OMA1: variants seen among roughly 807,000 people sequenced by gnomAD.
OMA1 encodes metalloendopeptidase OMA1, mitochondrial.
In OMA1, 38 loss-of-function variants were observed where a neutral mutation model predicts 30.9. The ratio of observed to expected loss-of-function variants is 1.23; its 90% CI spans 0.95 to 1.61. The LOEUF is 1.61. Ranked by LOEUF, OMA1 falls within the 40% of genes most tolerant of loss-of-function variation. The pLI is 0.00. For synonymous variants in OMA1, 173 were observed against 121.9 expected (o/e 1.42, Z -2.76); for missense variants, 461 against 349.2 (o/e 1.32, Z -2.55).
intron 7 of OMA1, among the ~76,000 whole-genome samples, chr1:58,524,370 C>G: frequency 6.6e-6 from 1 of 152,228 alleles, no homozygotes; most frequent in Admixed American, 6.5e-5. Context: ...CTAAAACTAT[C>G]AAACCATCCT....
At position 58,489,753 on chromosome 1, in the gene OMA1, G is replaced by A. The variant is rs558068204; in HGVS notation, c.1366-8579C>T. Among the ~76,000 whole-genome samples, 35 of 152,308 alleles carry A rather than the reference G, an allele frequency of 2.3e-4. No individual in the cohort carries two copies. In the East Asian group the frequency reaches 6.8e-3, roughly 29 times the overall value. On this transcript the variant is annotated intron_variant, in intron 8 of 8. Transcript: ENST00000371226. ...CTCCTCTGAGACAAAACTTCCAGAG[G>A]AATGATGAGGCAGCAACATTGGCTG...
At chr1:58,508,003 AT>A (rs899766271) in intron 7 of OMA1, among the ~76,000 whole-genome samples, 14 of 152,276 alleles carry the variant, frequency 9.2e-5, no homozygotes, top group African/African-American at 3.4e-4. Context: ...TACTTATCTA[AT>A]TTTTTTAGCC....
intron 2 of OMA1, 131 bp from the exon 3 acceptor site, chr1:58,536,872 G>T: frequency 1.7e-6 from 1 of 585,834 alleles, no homozygotes; most frequent in East Asian, 2.8e-5. Context: ...TGAATACATC[G>T]CTTTTCCAAT....
chr1:58,487,186 G>A (rs2100363032), intron 8 of OMA1, among the ~76,000 whole-genome samples: 1 of 152,358 alleles, frequency 6.6e-6, no homozygotes, highest in East Asian at 1.9e-4. Flanking sequence ...CAGTGGCGAA[G>A]TTGAGAAGCC....
chr1:58,498,945 T>G (rs1243547927), intron 8 of OMA1, among the ~76,000 whole-genome samples: 1 of 152,096 alleles, frequency 6.6e-6, no homozygotes, highest in Non-Finnish European at 1.5e-5. Flanking sequence ...AATTAAAAAT[T>G]AAGGCCACCT....
intron 1 of OMA1, among the ~76,000 whole-genome samples, chr1:58,546,119 T>C (rs184346415): frequency 4.6e-5 from 7 of 152,346 alleles, no homozygotes; most frequent in Non-Finnish European, 7.3e-5. Flanking sequence ...GTGAGTTCTG[T>C]AGACGAGTTT....
rs1255251540 is a variant in OMA1, at chr1:58,522,654, T to C, written c.1215+4607A>G. 3.3e-5 allele frequency among the ~76,000 whole-genome samples: 5 copies of C among 152,236 alleles called. 1 individual carries two copies. In the East Asian group the frequency reaches 7.7e-4, roughly 24 times the overall value. ...GCAGTCAAAAATCCACATGTAACAT[T>C]TGACTCCCCCAAAACCTAACTACTA... On this transcript the variant is annotated intron_variant, in intron 7 of 8. Coordinates refer to ENST00000371226, the MANE Select transcript of OMA1 (RefSeq NM_145243.5).
At chr1:58,499,712 C>T (rs1009964488) in intron 8 of OMA1, among the ~76,000 whole-genome samples, 1 of 151,706 alleles carries the variant, frequency 6.6e-6, no homozygotes, top group East Asian at 1.9e-4. Context: ...TTGATTTAAC[C>T]ATTACACAAT....
chr1:58,532,906 T>G (rs1181887983), intron 5 of OMA1, among the ~76,000 whole-genome samples: 2 of 152,186 alleles, frequency 1.3e-5, no homozygotes, highest in African/African-American at 4.8e-5. Flanking sequence ...GAAAAACAAT[T>G]TAGCCCATCT....
Position 58,506,159 on chromosome 1 carries a change from G to A in OMA1, c.1266C>T (p.Phe422=), listed in dbSNP as rs3087585. Residue 422 remains phenylalanine, a synonymous_variant, in exon 8 of 9, where the codon TTC becomes TTT. Coordinates refer to ENST00000371226, the MANE Select transcript of OMA1 (RefSeq NM_145243.5). Reference sequence around the variant, plus strand: ...TGGGTTGGCCATGCAGGCTATCAACGAACTCCATTTGCTGCCAAAACACTG... The same window carrying A: ...TGGGTTGGCCATGCAGGCTATCAACAAACTCCATTTGCTGCCAAAACACTG... ...ASSVFWQQME[F]VDSLHGQPKM... 0.26 allele frequency: 225,331 copies of A among 870,968 alleles called. 31,680 individuals carry two copies. The highest frequency in any genetic ancestry group is 0.42 in the African/African-American group (25,456 of 61,238). 54.0% of individuals were successfully genotyped at this position (870,968 alleles called of 1,614,324 possible).
chr1:58,512,816 G>C (rs1001443220), intron 7 of OMA1, among the ~76,000 whole-genome samples: 1 of 152,140 alleles, frequency 6.6e-6, no homozygotes, highest in African/African-American at 2.4e-5. Flanking sequence ...ATAAGATCTA[G>C]AGATCTGATA....
rs137878037 is a variant in OMA1, at chr1:58,500,185, T to C, written c.1365+5875A>G. On this transcript the variant is annotated intron_variant, in intron 8 of 8. Transcript: ENST00000371226. ...AAGTAGATACACATCACATGCACCA[T>C]AATATTTTTTTTAAGGGTTTAGACA... Among the ~76,000 whole-genome samples, 763 of 152,226 alleles carry C rather than the reference T, an allele frequency of 5.0e-3. 10 individuals are homozygous for C. The highest frequency in any genetic ancestry group is 0.017 in the African/African-American group (713 of 41,534).
intron 8 of OMA1, among the ~76,000 whole-genome samples, chr1:58,488,867 G>A (rs181540128): frequency 2.2e-4 from 33 of 152,332 alleles, no homozygotes; most frequent in African/African-American, 7.5e-4. Flanking sequence ...TTATCAGTGA[G>A]AACATAACAT....
chr1:58,499,594 T>C (rs1394183630), intron 8 of OMA1, among the ~76,000 whole-genome samples: 2 of 152,116 alleles, frequency 1.3e-5, no homozygotes, highest in Non-Finnish European at 2.9e-5. Flanking sequence ...GCATTGTTAC[T>C]ACAGTTAATA....
At chr1:58,483,313 T>A (rs1302365175) in intron 8 of OMA1, among the ~76,000 whole-genome samples, 1 of 152,082 alleles carries the variant, frequency 6.6e-6, no homozygotes, top group Non-Finnish European at 1.5e-5. Context: ...TGGGGTATGG[T>A]AGGGGCACAG....
intron 7 of OMA1, among the ~76,000 whole-genome samples, chr1:58,514,655 C>T (rs1322318709): frequency 1.3e-5 from 2 of 152,060 alleles, no homozygotes; most frequent in South Asian, 4.1e-4. Flanking sequence ...TCATCTGAGA[C>T]AATACTACAA....
intron 8 of OMA1, among the ~76,000 whole-genome samples, chr1:58,491,989 T>C (rs1645702355): frequency 6.6e-6 from 1 of 152,164 alleles, no homozygotes; most frequent in African/African-American, 2.4e-5. Context: ...ACCACACCTA[T>C]TCCAAAATTG....
chr1:58,518,015 C>T lies in OMA1; in HGVS notation c.1215+9246G>A, dbSNP rs563609401. Among the ~76,000 whole-genome samples, 867 of 151,090 alleles carry T rather than the reference C, an allele frequency of 5.7e-3. 7 individuals carry two copies. The highest frequency in any genetic ancestry group is 8.4e-3 in the Non-Finnish European group (568 of 67,870). ...CAGCCTGCCCAACATGGAGAAACCC[C>T]GTCTCAACTAAAAATACAAAATTAG... On this transcript the variant is annotated intron_variant, in intron 7 of 8. Coordinates refer to ENST00000371226, the MANE Select transcript of OMA1 (RefSeq NM_145243.5).
intron 6 of OMA1, among the ~76,000 whole-genome samples, chr1:58,529,240 C>T (rs1475467889): frequency 1.3e-5 from 2 of 152,156 alleles, no homozygotes; most frequent in African/African-American, 2.4e-5. Flanking sequence ...GAATTTTGCA[C>T]ATTAGATTTA....
Sources: allele counts gnomAD v4.1 joint callset (sites outside exome capture counted in the v4.1 genomes callset), GRCh38; gene constraint gnomAD v4.1.1; transcripts MANE v1.5; gene names NCBI Gene and HGNC (gene_info 2026-07-23, HGNC 2026-07-21).